Variants in ITCH observed in about 807,000 individuals in gnomAD.
ITCH encodes E3 ubiquitin-protein ligase Itchy homolog.
Under a neutral mutation model 126.8 loss-of-function variants are expected in ITCH, and 28 were observed. That is an observed-to-expected ratio of 0.22 (90% CI 0.16 to 0.30). The LOEUF is 0.30. Ranked by LOEUF, ITCH falls within the 10% of genes least tolerant of loss-of-function variation. The probability of loss-of-function intolerance (pLI) is 1.00; values close to 1 mark genes in which losing one functional copy is unlikely to be tolerated. For synonymous variants in ITCH, 342 were observed against 340.0 expected (o/e 1.01, Z -0.06); for missense variants, 631 against 1,032.4 (o/e 0.61, Z 5.33).
chr20:34,378,430 G>GCCA (rs2037927637), intron 2 of ITCH, among the ~76,000 whole-genome samples: 1 of 122,640 alleles, frequency 8.2e-6, no homozygotes, highest in African/African-American at 3.2e-5. Flanking sequence ...CAGAGATTGC[G>GCCA]CCATTGTACT....
At chr20:34,387,776 C>G (rs915798468) in intron 2 of ITCH, among the ~76,000 whole-genome samples, 1 of 151,842 alleles carries the variant, frequency 6.6e-6, no homozygotes, top group African/African-American at 2.4e-5. Context: ...ATGATCTTAG[C>G]TCACTGTAAC....
At chr20:34,466,345 A>G (rs1478026304) in intron 14 of ITCH, 3 of 530,690 alleles carry the variant, frequency 5.7e-6, no homozygotes, top group Non-Finnish European at 1.2e-5. Context: ...GTATTTTTCC[A>G]TCAGTGTTCA....
intron 16 of ITCH, among the ~76,000 whole-genome samples, chr20:34,475,060 C>T (rs1249902382): frequency 2.0e-4 from 30 of 151,194 alleles, no homozygotes; most frequent in African/African-American, 6.8e-4. Flanking sequence ...AGACCATGGG[C>T]GGCCGGGCAG....
chr20:34,447,416 A>G (rs1984598172), intron 11 of ITCH, among the ~76,000 whole-genome samples: 1 of 152,154 alleles, frequency 6.6e-6, no homozygotes, highest in South Asian at 2.1e-4. Flanking sequence ...GCTGAGAAAT[A>G]GTCTGTTTAT....
intron 1 of ITCH, among the ~76,000 whole-genome samples, chr20:34,365,449 T>G (rs2037385385): frequency 6.6e-6 from 1 of 152,150 alleles, no homozygotes; most frequent in Non-Finnish European, 1.5e-5. Flanking sequence ...GAATCTAACT[T>G]TGTCACCCAG....
rs761639143 is a variant in ITCH, at chr20:34,462,066, GT to G, written c.1296-24del. ...AAACAAGCAACTCTTTAATATTTTT[GT>G]TTATGTTTTTTCCTGTGTTTCGTAG... On this transcript the variant is annotated intron_variant, in intron 13 of 24. Coordinates refer to ENST00000374864, the MANE Select transcript of ITCH (RefSeq NM_031483.7). 3.7e-6 allele frequency: 6 copies of G among 1,610,494 alleles called. No individual in the cohort carries two copies. The South Asian group carries it at 6.6e-5, about 18-fold the overall frequency.
Position 34,370,816 on chromosome 20 carries a change from A to G in ITCH, c.-22+1346A>G, listed in dbSNP as rs1329008056. Among the ~76,000 whole-genome samples the G allele has an allele frequency of 2.6e-5, 4 of 152,146 alleles. No homozygotes were observed. The East Asian group carries it at 7.7e-4, about 29-fold the overall frequency. On this transcript the variant is annotated intron_variant, in intron 2 of 24. Transcript: ENST00000374864. ...CTGGGTAAGAAAAAAAAAGTAGAAC[A>G]TAAAGTTAAGCAGTAAGAGAATAGG...
intron 2 of ITCH, among the ~76,000 whole-genome samples, chr20:34,386,640 G>A (rs958495440): frequency 1.3e-5 from 2 of 152,120 alleles, no homozygotes; most frequent in Non-Finnish European, 2.9e-5. Context: ...AAAATATAGG[G>A]CTATATTAAA....
At chr20:34,423,562 T>G (rs1029610012) in intron 6 of ITCH, among the ~76,000 whole-genome samples, 1 of 152,186 alleles carries the variant, frequency 6.6e-6, no homozygotes, top group African/African-American at 2.4e-5. Context: ...ACCATTTGTT[T>G]TGCTTCTTTA....
At chr20:34,385,921 T>G (rs1177684057) in intron 2 of ITCH, among the ~76,000 whole-genome samples, 1 of 152,164 alleles carries the variant, frequency 6.6e-6, no homozygotes, top group Non-Finnish European at 1.5e-5. Context: ...TTTTTCCTAG[T>G]AAATGGGAAA....
intron 10 of ITCH, among the ~76,000 whole-genome samples, chr20:34,443,336 C>G (rs190914680): frequency 6.6e-6 from 1 of 151,636 alleles, no homozygotes; most frequent in Non-Finnish European, 1.5e-5. Context: ...ATGTTGAAAC[C>G]CCGTCTCTAC....
At chr20:34,390,892 C>G (rs889338307) in intron 2 of ITCH, among the ~76,000 whole-genome samples, 3 of 151,850 alleles carry the variant, frequency 2.0e-5, no homozygotes, top group African/African-American at 7.3e-5. Context: ...GCTGGAATTA[C>G]AAGCATCCAC....
intron 2 of ITCH, among the ~76,000 whole-genome samples, chr20:34,393,122 G>T (rs188539340): frequency 6.6e-6 from 1 of 152,174 alleles, no homozygotes; most frequent in East Asian, 1.9e-4. Flanking sequence ...CAATTTATCT[G>T]CCTGCGTTTT....
chr20:34,402,402 C>A (rs2038917878), intron 3 of ITCH: 9 of 781,008 alleles, frequency 1.2e-5, no homozygotes, highest in South Asian at 8.0e-5. Context: ...ACAAAGGAGT[C>A]TTTGGACAGT....
intron 14 of ITCH, among the ~76,000 whole-genome samples, chr20:34,464,030 A>G (rs551155463): frequency 2.6e-4 from 39 of 151,934 alleles, no homozygotes; most frequent in Non-Finnish European, 4.7e-4. Context: ...GCTGGAGTGC[A>G]GTGGCACAAT....
chr20:34,431,256 A>G (rs1425844792), intron 7 of ITCH, among the ~76,000 whole-genome samples: 1 of 152,106 alleles, frequency 6.6e-6, no homozygotes, highest in Non-Finnish European at 1.5e-5. Flanking sequence ...TCTACATAAA[A>G]TAAAAAATTA....
intron 2 of ITCH, among the ~76,000 whole-genome samples, chr20:34,373,644 C>T (rs2037726099): frequency 6.6e-6 from 1 of 152,104 alleles, no homozygotes; most frequent in Non-Finnish European, 1.5e-5. Flanking sequence ...TCTCTGCCCT[C>T]CAGCAACTCG....
At chr20:34,410,998 C>T (rs1978952849) in intron 4 of ITCH, among the ~76,000 whole-genome samples, 1 of 152,164 alleles carries the variant, frequency 6.6e-6, no homozygotes, top group South Asian at 2.1e-4. Context: ...TTTATCACTT[C>T]CCATTGTCGT....
At chr20:34,368,497 T>C (rs911447526) in intron 1 of ITCH, among the ~76,000 whole-genome samples, 1 of 152,132 alleles carries the variant, frequency 6.6e-6, no homozygotes, top group East Asian at 1.9e-4. Context: ...ATGTTGACTT[T>C]TATGGCTGTA....
Sources: gnomAD v4.1 joint callset for allele counts (sites outside exome capture counted in the v4.1 genomes callset) on GRCh38, gnomAD v4.1.1 for gene constraint, MANE v1.5 for transcripts, NCBI Gene and HGNC (gene_info 2026-07-23, HGNC 2026-07-21) for gene names.